RAB37: variants seen among roughly 807,000 people sequenced by gnomAD.
RAB37 encodes the protein ras-related protein Rab-37.
A neutral mutation model predicts 33.1 loss-of-function variants in RAB37; 29 were observed. The observed-to-expected ratio is 0.88, with a 90% CI of 0.65 to 1.20. RAB37 has a LOEUF of 1.20. Ranked by LOEUF, RAB37 falls within the 50% of genes most tolerant of loss-of-function variation. The pLI, the probability that RAB37 is intolerant of heterozygous loss-of-function variation, is 0.00. For synonymous variants in RAB37, 128 were observed against 119.5 expected, an observed-to-expected ratio of 1.07 and a Z score of -0.47; for missense variants, 299 against 301.1, an observed-to-expected ratio of 0.99 and a Z score of 0.05.
At chr17:74,731,344 G>A (rs909176630) in intron 2 of RAB37, among the ~76,000 whole-genome samples, 5 of 152,158 alleles carry the variant, frequency 3.3e-5, no homozygotes, top group Non-Finnish European at 5.9e-5. Flanking sequence ...GCTGAGTGCC[G>A]CCCAGGTGGC....
At chr17:74,681,039 C>G (rs2031944458) in intron 1 of RAB37, among the ~76,000 whole-genome samples, 1 of 152,240 alleles carries the variant, frequency 6.6e-6, no homozygotes, top group Non-Finnish European at 1.5e-5. Flanking sequence ...CACCACATGC[C>G]AGTCCCCAGG....
chr17:74,720,351 G>A (rs917169909), intron 1 of RAB37, among the ~76,000 whole-genome samples: 2 of 152,114 alleles, frequency 1.3e-5, no homozygotes, highest in Non-Finnish European at 2.9e-5. Flanking sequence ...TTGGGAGGCC[G>A]AGGTGGGTGG....
chr17:74,688,046 T>C (rs1437420846), intron 1 of RAB37, among the ~76,000 whole-genome samples: 1 of 152,230 alleles, frequency 6.6e-6, no homozygotes, highest in Non-Finnish European at 1.5e-5. Context: ...AACCCCTCAC[T>C]TAACCAACTT....
chr17:74,704,838 G>C, intron 1 of RAB37: 5 of 1,581,736 alleles, frequency 3.2e-6, no homozygotes, highest in Non-Finnish European at 4.3e-6. Flanking sequence ...AAATTCATGT[G>C]CTGTCACCTC....
chr17:74,706,368 A>ATT, intron 1 of RAB37, among the ~76,000 whole-genome samples: 1 of 150,614 alleles, frequency 6.6e-6, no homozygotes, highest in Non-Finnish European at 1.5e-5. Context: ...AAGTAAAGAA[A>ATT]TATTTCCCTG....
chr17:74,708,606 G>T (rs1423110414), intron 1 of RAB37, among the ~76,000 whole-genome samples: 1 of 152,138 alleles, frequency 6.6e-6, no homozygotes, highest in East Asian at 1.9e-4. Flanking sequence ...CACCCAAAAT[G>T]GTTTTTAACA....
rs2034377239 is a variant in RAB37 at position 74,730,989 on chromosome 17, G to A, written c.183+1623G>A. On this transcript the variant is annotated intron_variant, in intron 2 of 7. Transcript: ENST00000340415. The surrounding 1 kb of genome is among the most constrained non-coding windows in gnomAD (Gnocchi z 4.4). The stretch of plus-strand genomic sequence containing the variant: ...CACTGACCTCAGGGTGGGCCTCCTA[G>A]AGCCTGGGCTGCCTGCTTGGTACCA... Among the ~76,000 whole-genome samples the A allele has an allele frequency of 6.6e-6, 1 of 152,248 alleles. No homozygotes were observed. Among genetic ancestry groups the A allele is most frequent in the African/African-American group, 2.4e-5 (1 of 41,476 alleles).
intron 1 of RAB37, among the ~76,000 whole-genome samples, chr17:74,680,579 C>G (rs1262640665): frequency 2.0e-5 from 3 of 152,186 alleles, no homozygotes; most frequent in African/African-American, 7.2e-5. Context: ...CAGCCTCAAT[C>G]TACGACCCCA....
intron 1 of RAB37, among the ~76,000 whole-genome samples, chr17:74,727,067 CCCTCCCAGTTCAGA>C (rs1490111440): frequency 6.6e-6 from 1 of 152,228 alleles, no homozygotes; most frequent in Non-Finnish European, 1.5e-5. Flanking sequence ...CGCCCCTTCT[CCCTCCCAGTTCAGA>C]CCTCCCAGAG....
chr17:74,742,257 A>G lies in RAB37; in HGVS notation c.208A>G (p.Lys70Glu), dbSNP rs772318569. The change falls in exon 3 of 9, where the codon AAG becomes GAG. Residue 70 changes from lysine (K) to glutamate (E), a missense_variant. Physicochemically the swap from Lys to Glu is moderately conservative, Grantham distance 56. Transcript: ENST00000392613. This position sits in a 1 kb window ranked among gnomAD's most constrained non-coding sequence, Gnocchi z 4.0. ...CCTCTGCCTTTTTCTCTTTCAGAAC[A>G]AGGTGGTGACTGTGGATGGCGTGAG... ...IATVGIDFRN[K>E]VVTVDGVRVK... The G allele has an allele frequency of 6.2e-7, 1 of 1,613,280 alleles. No homozygotes were observed. Among genetic ancestry groups the G allele is most frequent in the Admixed American group, 1.7e-5 (1 of 59,954 alleles).
chr17:74,742,180 C>T lies in RAB37; in HGVS notation c.205-74C>T. On this transcript the variant is annotated intron_variant, in intron 2 of 8. Transcript: ENST00000392613. The surrounding 1 kb of genome is among the most constrained non-coding windows in gnomAD (Gnocchi z 4.0). ...ACCCACTCTAGGCCTGGAGAGGGAA[C>T]AAGACAGGACGTCTGCAGAGCTGAG... 2 of 1,573,436 alleles carry T rather than the reference C, an allele frequency of 1.3e-6. No individual in the cohort carries two copies. The highest frequency in any genetic ancestry group is 8.6e-7 in the Non-Finnish European group (1 of 1,157,516).
chr17:74,681,533 A>T (rs1033652476), intron 1 of RAB37, among the ~76,000 whole-genome samples: 1 of 152,200 alleles, frequency 6.6e-6, no homozygotes, highest in Admixed American at 6.5e-5. Context: ...GGGCTGAAAA[A>T]CACTCAACCA....
At chr17:74,716,010 G>A (rs2034160701) in intron 1 of RAB37, among the ~76,000 whole-genome samples, 1 of 152,184 alleles carries the variant, frequency 6.6e-6, no homozygotes, top group African/African-American at 2.4e-5. Flanking sequence ...TCCAGCCTGG[G>A]TAACTGAGCA....
At chr17:74,701,914 CAG>C (rs1170090970) in intron 1 of RAB37, among the ~76,000 whole-genome samples, 1 of 150,560 alleles carries the variant, frequency 6.6e-6, no homozygotes, top group African/African-American at 2.4e-5. Flanking sequence ...CCCAGCTACT[CAG>C]GAGACTGAGG....
chr17:74,722,980 G>T (rs1336005827), intron 1 of RAB37, among the ~76,000 whole-genome samples: 3 of 152,180 alleles, frequency 2.0e-5, no homozygotes, highest in Non-Finnish European at 4.4e-5. Context: ...CAGCAATAGT[G>T]TACTTAGACA....
upstream of RAB37, among the ~76,000 whole-genome samples, chr17:74,735,655 A>G (rs141509302): frequency 5.6e-3 from 849 of 152,264 alleles, 5 homozygotes; most frequent in Non-Finnish European, 8.7e-3. Context: ...CTCCAGTCTG[A>G]GGCTCCCTGT....
At chr17:74,685,375 A>G (rs1411907206) in intron 1 of RAB37, among the ~76,000 whole-genome samples, 1 of 152,114 alleles carries the variant, frequency 6.6e-6, no homozygotes. Context: ...TTTAGTAGAG[A>G]CAGGGTTTCA....
chr17:74,706,177 T>C (rs188142902), intron 1 of RAB37, among the ~76,000 whole-genome samples: 40 of 151,978 alleles, frequency 2.6e-4, no homozygotes, highest in African/African-American at 8.4e-4. Context: ...GGGTGACAGG[T>C]TTGATTGAGG....
chr17:74,689,385 G>A (rs898566820), intron 1 of RAB37, among the ~76,000 whole-genome samples: 5 of 152,074 alleles, frequency 3.3e-5, no homozygotes, highest in African/African-American at 1.2e-4. Context: ...AGAGGTTGTG[G>A]TGAGCCAAGA....
Sources: allele counts gnomAD v4.1 joint callset (sites outside exome capture counted in the v4.1 genomes callset), GRCh38; gene constraint gnomAD v4.1.1; non-coding constraint Gnocchi (gnomAD v3.1); transcripts MANE v1.5; gene names NCBI Gene and HGNC (gene_info 2026-07-23, HGNC 2026-07-21).